Variants in LRRC72 observed in about 807,000 individuals in gnomAD.
The protein encoded by LRRC72 is leucine rich repeat containing 72, also known as leucine-rich repeat-containing protein 72.
LRRC72 carries 41 observed loss-of-function variants against 35.8 expected under a neutral mutation model. That is an observed-to-expected ratio of 1.15 (90% confidence interval 0.89 to 1.49). The LOEUF (loss-of-function observed/expected upper bound fraction) is 1.49, where lower values mean the gene tolerates loss of function less well. LRRC72 is among the 40% of genes most tolerant of loss of function. The probability of loss-of-function intolerance (pLI) is 0.00; values close to 1 mark genes in which losing one functional copy is unlikely to be tolerated. For synonymous variants in LRRC72, 118 were observed against 119.2 expected (o/e 0.99, Z 0.07); for missense variants, 389 against 330.7 (o/e 1.18, Z -1.37).
rs981037236 is a variant in LRRC72, at chr7:16,532,545, C to A, written c.141C>A (p.Val47=). Residue 47 remains valine, a synonymous_variant, in exon 2 of 9, where the codon GTC becomes GTA. Coordinates refer to ENST00000401542, the MANE Select transcript of LRRC72 (RefSeq NM_001195280.2). The part of the protein sequence containing the change: ...KICGHRRDAD[V]FELFLSKKEL... The stretch of plus-strand genomic sequence containing the variant: ...GTGGCCACAGGAGGGATGCTGATGT[C>A]TTTGAGCTGTTCCTTTCTAAAAAGT... 3 of 1,549,564 alleles carry A rather than the reference C, an allele frequency of 1.9e-6. No homozygotes were observed. In the African/African-American group the frequency reaches 4.1e-5, roughly 21 times the overall value.
intron 4 of LRRC72, among the ~76,000 whole-genome samples, chr7:16,558,395 G>T (rs1442266757): frequency 6.6e-6 from 1 of 152,200 alleles, no homozygotes; most frequent in Non-Finnish European, 1.5e-5. Flanking sequence ...GATCACCTGA[G>T]GTCGGGAGTT....
chr7:16,564,077 G>A (rs1021436604), intron 5 of LRRC72, among the ~76,000 whole-genome samples: 7 of 152,206 alleles, frequency 4.6e-5, no homozygotes, highest in South Asian at 2.1e-4. Flanking sequence ...CCTCAGAGGG[G>A]AAAGAGAAGA....
intron 4 of LRRC72, among the ~76,000 whole-genome samples, chr7:16,557,991 CA>C (rs1782679166): frequency 7.1e-6 from 1 of 141,224 alleles, no homozygotes; most frequent in Admixed American, 6.8e-5. Context: ...ATCATGATGT[CA>C]TGCACCGCTA....
At chr7:16,562,014 G>A (rs1027347787) in intron 5 of LRRC72, among the ~76,000 whole-genome samples, 2 of 152,132 alleles carry the variant, frequency 1.3e-5, no homozygotes, top group Admixed American at 6.6e-5. Flanking sequence ...TAGCCTGAAG[G>A]GCAAAACGCT....
chr7:16,567,503 A>G lies in LRRC72; in HGVS notation c.630A>G (p.Lys210=). The G allele has an allele frequency of 6.6e-7, 1 of 1,509,318 alleles. No individual in the cohort carries two copies. The highest frequency in any genetic ancestry group is 8.9e-7 in the Non-Finnish European group (1 of 1,126,244). The allele number at this position is 1,509,318 out of a possible 1,614,324, so 93.5% of individuals were successfully genotyped here. A position where few individuals can be genotyped will look rare whatever the true frequency, so the allele number is the denominator to read the frequency against. ...GGKVDASWDP[K]SPFKQKPAQR... ...AAGTGGATGCTTCATGGGATCCTAA[A>G]TCACCATTTAAGCAAAAACCAGCCC... The change falls in exon 7 of 9, where the codon AAA becomes AAG. Residue 210 remains lysine (K), a synonymous_variant. Coordinates refer to ENST00000401542, the MANE Select transcript of LRRC72 (RefSeq NM_001195280.2).
At chr7:16,541,437 A>T (rs1184225169) in intron 3 of LRRC72, among the ~76,000 whole-genome samples, 1 of 152,230 alleles carries the variant, frequency 6.6e-6, no homozygotes, top group African/African-American at 2.4e-5. Context: ...CTTTTTAAAC[A>T]CCAACTAAGT....
In LRRC72 at chr7:16,532,585, T is replaced by C. The variant is rs1280604475; in HGVS notation, c.164+17T>C. ...TTCTAAAAAGTAAGTGTACTTAACA[T>C]AAAAAATGAAAGAGTATCATGTTAT... On this transcript the variant is annotated intron_variant, in intron 2 of 8. Transcript: ENST00000401542. The C allele has an allele frequency of 2.0e-6, 3 of 1,504,568 alleles. No individual in the cohort carries two copies. The highest frequency in any genetic ancestry group is 1.7e-4 in the Middle Eastern group (1 of 5,902). 93.2% of individuals were successfully genotyped at this position (1,504,568 alleles called of 1,614,324 possible). A position where few individuals can be genotyped will look rare whatever the true frequency, so the allele number is the denominator to read the frequency against.
intron 2 of LRRC72, among the ~76,000 whole-genome samples, chr7:16,533,234 A>T (rs934512858): frequency 1.3e-5 from 2 of 152,110 alleles, no homozygotes; most frequent in Non-Finnish European, 2.9e-5. Context: ...TACCAGTTTT[A>T]CTGGTAAGTA....
intron 1 of LRRC72, among the ~76,000 whole-genome samples, chr7:16,529,289 C>G (rs1032301115): frequency 6.6e-6 from 1 of 152,222 alleles, no homozygotes; most frequent in African/African-American, 2.4e-5. Context: ...CTCTCCTCTT[C>G]CACCAACATC....
At chr7:16,573,998 C>T (rs1406173594) in intron 7 of LRRC72, among the ~76,000 whole-genome samples, 1 of 152,146 alleles carries the variant, frequency 6.6e-6, no homozygotes, top group African/African-American at 2.4e-5. Context: ...AGCATATGAA[C>T]AGGCACTTCT....
chr7:16,568,686 G>C (rs988506099), intron 7 of LRRC72, among the ~76,000 whole-genome samples: 1 of 152,050 alleles, frequency 6.6e-6, no homozygotes, highest in Non-Finnish European at 1.5e-5. Flanking sequence ...CAGACAAAAT[G>C]AATCCAAACA....
At chr7:16,574,081 A>G (rs1782996080) in intron 7 of LRRC72, among the ~76,000 whole-genome samples, 1 of 152,250 alleles carries the variant, frequency 6.6e-6, no homozygotes, top group African/African-American at 2.4e-5. Flanking sequence ...AGAGAAATGC[A>G]AATAAAAACA....
intron 1 of LRRC72, among the ~76,000 whole-genome samples, chr7:16,528,881 A>G (rs771281469): frequency 6.6e-6 from 1 of 152,142 alleles, no homozygotes; most frequent in Admixed American, 6.6e-5. Context: ...AAGGAGGAAA[A>G]GTGTTTCTGA....
intron 3 of LRRC72, among the ~76,000 whole-genome samples, chr7:16,556,210 C>T (rs1782648191): frequency 6.6e-6 from 1 of 152,272 alleles, no homozygotes; most frequent in East Asian, 1.9e-4. Context: ...TTTATTATTT[C>T]CATTCATATG....
At chr7:16,581,203 G>T in intron 8 of LRRC72, 121 bp from the exon 9 acceptor site, 1 of 795,782 alleles carries the variant, frequency 1.3e-6, no homozygotes, top group South Asian at 2.9e-5. Flanking sequence ...TTTGTTAGTG[G>T]TACTATACTA....
At position 16,527,049 on chromosome 7, in the gene LRRC72, G is replaced by T. The variant is rs1020719057; in HGVS notation, c.90+7G>T. ...CCTACAGAGCAGTCGCCGGGTAAGC[G>T]GCACCTGCCTTCCCAAGCCATCAGC... On this transcript the variant is annotated splice_region_variant and intron_variant, in intron 1 of 8. Coordinates refer to ENST00000401542, the MANE Select transcript of LRRC72 (RefSeq NM_001195280.2). 7 of 1,537,058 alleles carry T rather than the reference G, an allele frequency of 4.6e-6. No individual in the cohort carries two copies. In the African/African-American group the frequency reaches 8.2e-5, roughly 18 times the overall value.
At chr7:16,566,467 A>G in intron 6 of LRRC72, 65 bp downstream of exon 6, 2 of 936,424 alleles carry the variant, frequency 2.1e-6, no homozygotes, top group South Asian at 2.0e-5. Flanking sequence ...GCGGTTTAAA[A>G]ACGAAGACTA....
chr7:16,540,594 C>G (rs1782339747), intron 3 of LRRC72, among the ~76,000 whole-genome samples: 1 of 152,142 alleles, frequency 6.6e-6, no homozygotes, highest in Non-Finnish European at 1.5e-5. Flanking sequence ...GTGTCTCCAC[C>G]TGAGTCTCAT....
chr7:16,576,896 G>A (rs1783051456), intron 7 of LRRC72, among the ~76,000 whole-genome samples: 2 of 152,140 alleles, frequency 1.3e-5, no homozygotes, highest in South Asian at 4.1e-4. Context: ...AGAAGGGTAA[G>A]GCCAAAAAGG....
Sources: gnomAD v4.1 joint callset for allele counts (sites outside exome capture counted in the v4.1 genomes callset) on GRCh38, gnomAD v4.1.1 for gene constraint, MANE v1.5 for transcripts, NCBI Gene and HGNC (gene_info 2026-07-23, HGNC 2026-07-21) for gene names.